IPMK: variants seen among roughly 807,000 people sequenced by gnomAD.
The protein encoded by IPMK is inositol 1,3,4,6-tetrakisphosphate 5-kinase.
In IPMK, 17 loss-of-function variants were observed where a neutral mutation model predicts 45.8. The ratio of observed to expected loss-of-function variants is 0.37; its 90% confidence interval spans 0.25 to 0.56. The LOEUF is 0.56. Among genes scored for constraint, IPMK ranks in the 20% least tolerant of loss-of-function variants. The probability of loss-of-function intolerance (pLI) is 0.79; values close to 1 mark genes in which losing one functional copy is unlikely to be tolerated. For synonymous variants in IPMK, 180 were observed against 184.3 expected, an observed-to-expected ratio of 0.98 and a Z score of 0.19; for missense variants, 399 against 498.0, an observed-to-expected ratio of 0.80 and a Z score of 1.89.
intron 4 of IPMK, among the ~76,000 whole-genome samples, chr10:58,205,793 T>C (rs1050578922): frequency 6.6e-6 from 1 of 152,180 alleles, no homozygotes; most frequent in African/African-American, 2.4e-5. Flanking sequence ...TTCATCCATG[T>C]AACAACAACA....
At chr10:58,206,054 C>T (rs190333313) in intron 4 of IPMK, among the ~76,000 whole-genome samples, 107 of 152,170 alleles carry the variant, frequency 7.0e-4, no homozygotes, top group Middle Eastern at 3.4e-3. Flanking sequence ...AACCCAAAGT[C>T]CATCAATGAA....
intron 3 of IPMK, among the ~76,000 whole-genome samples, chr10:58,217,346 C>T (rs899553405): frequency 6.6e-6 from 1 of 151,716 alleles, no homozygotes; most frequent in African/African-American, 2.4e-5. Flanking sequence ...GGGTCCAGGT[C>T]CCAAGGGAAA....
At chr10:58,239,201 G>A (rs1292852067) in intron 1 of IPMK, among the ~76,000 whole-genome samples, 1 of 151,816 alleles carries the variant, frequency 6.6e-6, no homozygotes, top group Non-Finnish European at 1.5e-5. Flanking sequence ...ATAGAAGGTA[G>A]GTAAATATTA....
In IPMK at chr10:58,211,901, C is replaced by CAAAAAAAAAAAAAAAAA. The variant is rs753050298; in HGVS notation, c.546+4227_546+4243dup. On this transcript the variant is annotated intron_variant, in intron 4 of 5. Transcript: ENST00000373935. The stretch of plus-strand genomic sequence containing the variant: ...CACTCCAGCCTGGGTGACATCTCAC[C>CAAAAAAAAAAAAAAAAA]AAAAAAAAAAAAAAAAAAAAAAAAT... Among the ~76,000 whole-genome samples, 66 of 50,372 alleles carry CAAAAAAAAAAAAAAAAA rather than the reference C, an allele frequency of 1.3e-3. 4 individuals are homozygous for CAAAAAAAAAAAAAAAAA. The highest frequency in any genetic ancestry group is 1.8e-3 in the South Asian group (2 of 1,130). The allele number at this position is 50,372 out of a possible 152,430, so 33.0% of individuals were successfully genotyped here.
intron 4 of IPMK, among the ~76,000 whole-genome samples, chr10:58,205,941 G>A (rs2440857): frequency 0.34 from 51,089 of 151,612 alleles, 10,773 homozygotes; most frequent in African/African-American, 0.6. Context: ...GGACCTACCA[G>A]TTGCACAGTT....
chr10:58,192,678 T>A lies in IPMK; in HGVS notation c.*3398A>T, dbSNP rs1210173972. The A allele has an allele frequency of 6.6e-6, 1 of 151,958 alleles. No individual in the cohort carries two copies. Among genetic ancestry groups the A allele is most frequent in the Non-Finnish European group, 1.5e-5 (1 of 67,886 alleles). 9.4% of individuals were successfully genotyped at this position (151,958 alleles called of 1,614,324 possible). ...AATACTGGGGGCTAAAAATGCTTAA[T>A]ACATGGCATAAATCCAAGGAATATT... is the stretch of plus-strand genomic sequence containing the variant. On this transcript the variant is annotated 3_prime_UTR_variant, in exon 6 of 6. Transcript: ENST00000373935.
intron 1 of IPMK, among the ~76,000 whole-genome samples, chr10:58,244,704 T>A (rs908841704): frequency 1.3e-5 from 2 of 152,072 alleles, no homozygotes; most frequent in African/African-American, 4.8e-5. Context: ...CTAAGAAAAA[T>A]TCTTCTGCCT....
chr10:58,221,774 G>A (rs555943213), intron 3 of IPMK, among the ~76,000 whole-genome samples: 7 of 151,616 alleles, frequency 4.6e-5, no homozygotes, highest in Non-Finnish European at 1.0e-4. Flanking sequence ...TTTGAAACAG[G>A]GTCTCTCTCT....
At chr10:58,218,689 T>G (rs1838285182) in intron 3 of IPMK, among the ~76,000 whole-genome samples, 1 of 152,220 alleles carries the variant, frequency 6.6e-6, no homozygotes, top group African/African-American at 2.4e-5. Flanking sequence ...TATATCTCAC[T>G]GTAGGGTTAG....
At chr10:58,219,144 A>G (rs1339587) in intron 3 of IPMK, among the ~76,000 whole-genome samples, 5,122 of 152,340 alleles carry the variant, frequency 0.034, 138 homozygotes, top group African/African-American at 0.074. Flanking sequence ...AAATAAAACC[A>G]TAAGTTAAGC....
At chr10:58,254,067 T>A (rs896330685) in intron 1 of IPMK, among the ~76,000 whole-genome samples, 1 of 152,214 alleles carries the variant, frequency 6.6e-6, no homozygotes, top group Non-Finnish European at 1.5e-5. Flanking sequence ...TTTACCTAGA[T>A]GTTGTCATCT....
At chr10:58,222,954 G>A (rs1243424232) in intron 3 of IPMK, among the ~76,000 whole-genome samples, 2 of 152,304 alleles carry the variant, frequency 1.3e-5, no homozygotes, top group South Asian at 2.1e-4. Context: ...CTTTGAGGAT[G>A]CAAAGGCATA....
intron 4 of IPMK, among the ~76,000 whole-genome samples, chr10:58,214,808 A>AT (rs1236621206): frequency 1.3e-5 from 2 of 152,230 alleles, no homozygotes; most frequent in Admixed American, 1.3e-4. Context: ...AAGATGCAGC[A>AT]TTTGTTTAGA....
At chr10:58,210,919 C>T (rs1838149269) in intron 4 of IPMK, among the ~76,000 whole-genome samples, 1 of 152,224 alleles carries the variant, frequency 6.6e-6, no homozygotes, top group Non-Finnish European at 1.5e-5. Context: ...TGAATCTCCA[C>T]ACACTGTTCT....
At position 58,239,136 on chromosome 10, in the gene IPMK, G is replaced by A. The variant is rs75005657; in HGVS notation, c.191-1322C>T. On this transcript the variant is annotated intron_variant, in intron 1 of 5. Coordinates refer to ENST00000373935, the MANE Select transcript of IPMK (RefSeq NM_152230.5). ...TGCACTTCAACCTGGGCGACAGAGC[G>A]AGAGCCCCTCTCTAAAAATATTTGT... Among the ~76,000 whole-genome samples the A allele has an allele frequency of 4.0e-3, 611 of 152,242 alleles. 4 individuals are homozygous for A. The highest frequency in any genetic ancestry group is 0.014 in the African/African-American group (576 of 41,548).
intron 1 of IPMK, among the ~76,000 whole-genome samples, chr10:58,259,156 G>C (rs1839017994): frequency 6.6e-6 from 1 of 152,054 alleles, no homozygotes; most frequent in Non-Finnish European, 1.5e-5. Flanking sequence ...CACACCCAAG[G>C]AACCATGAGC....
intron 4 of IPMK, among the ~76,000 whole-genome samples, chr10:58,200,428 T>G (rs1461059218): frequency 1.3e-5 from 2 of 152,016 alleles, no homozygotes; most frequent in Admixed American, 1.3e-4. Flanking sequence ...CTCAATAATT[T>G]TTTTTAACCA....
At chr10:58,202,501 C>T (rs756407933) in intron 4 of IPMK, among the ~76,000 whole-genome samples, 3 of 152,142 alleles carry the variant, frequency 2.0e-5, no homozygotes, top group Admixed American at 6.5e-5. Flanking sequence ...CCCGTTTCTA[C>T]AAAAAATTTA....
chr10:58,248,719 C>T (rs541624051), intron 1 of IPMK, among the ~76,000 whole-genome samples: 14 of 152,306 alleles, frequency 9.2e-5, no homozygotes, highest in African/African-American at 3.1e-4. Flanking sequence ...CAGCTTCTGG[C>T]AACCATGATC....
Sources: allele counts gnomAD v4.1 joint callset (sites outside exome capture counted in the v4.1 genomes callset), GRCh38; gene constraint gnomAD v4.1.1; transcripts MANE v1.5; gene names NCBI Gene and HGNC (gene_info 2026-07-23, HGNC 2026-07-21).